Variants in PLCB1 observed in about 807,000 individuals in gnomAD.
PLCB1 encodes 1-phosphatidylinositol 4,5-bisphosphate phosphodiesterase beta-1.
Under a neutral mutation model 161.8 loss-of-function variants are expected in PLCB1, and 46 were observed. That is an observed-to-expected ratio of 0.28 (90% CI 0.22 to 0.36). The LOEUF (loss-of-function observed/expected upper bound fraction) is 0.36. Ranked by LOEUF, PLCB1 falls within the 10% of genes least tolerant of loss-of-function variation. PLCB1 has a pLI of 1.00. For missense variants in PLCB1, 1,016 were observed against 1,472.5 expected (o/e 0.69, Z 5.07); for synonymous variants, 517 against 503.7 (o/e 1.03, Z -0.35).
rs117222939 is a variant in PLCB1, at chr20:8,759,762, C to T, written c.2657-645C>T. Among the ~76,000 whole-genome samples, 76 of 152,050 alleles carry T rather than the reference C, an allele frequency of 5.0e-4. No homozygotes were observed. In the East Asian group the frequency reaches 0.011, roughly 23 times the overall value. ...TGATCCATCTACCTTGGCCTCCCAGCGTTTGACTTTTAAAAGGTCACTTGT... is the reference window on the plus strand; with the variant it reads ...TGATCCATCTACCTTGGCCTCCCAGTGTTTGACTTTTAAAAGGTCACTTGT... On this transcript the variant is annotated intron_variant, in intron 24 of 31. Transcript: ENST00000338037.
At chr20:8,678,089 G>A (rs1200087736) in intron 9 of PLCB1, among the ~76,000 whole-genome samples, 1 of 152,048 alleles carries the variant, frequency 6.6e-6, no homozygotes, top group African/African-American at 2.4e-5. Flanking sequence ...TAGCTAACCG[G>A]GGGATACTTT....
At chr20:8,451,069 A>G (rs970406867) in intron 3 of PLCB1, among the ~76,000 whole-genome samples, 3 of 152,194 alleles carry the variant, frequency 2.0e-5, no homozygotes, top group Admixed American at 6.5e-5. Context: ...TGAATGCTAA[A>G]TCTTTACAAT....
At chr20:8,353,471 G>A (rs1308172731) in intron 2 of PLCB1, among the ~76,000 whole-genome samples, 1 of 151,970 alleles carries the variant, frequency 6.6e-6, no homozygotes, top group Non-Finnish European at 1.5e-5. Flanking sequence ...GGAAAGAGGG[G>A]ATAAAGAGTA....
intron 5 of PLCB1, 42 bp downstream of exon 5, chr20:8,646,223 T>C (rs765402212): frequency 2.3e-6 from 3 of 1,287,636 alleles, no homozygotes; most frequent in South Asian, 2.4e-5. Context: ...TTGCTTCTTC[T>C]GAGTCAGTTT....
At chr20:8,340,868 A>T (rs1389515473) in intron 2 of PLCB1, among the ~76,000 whole-genome samples, 6 of 152,148 alleles carry the variant, frequency 3.9e-5, no homozygotes, top group Admixed American at 3.9e-4. Flanking sequence ...CTCAACAGAG[A>T]GGACTTCATG....
chr20:8,290,586 T>C (rs1983342331), intron 2 of PLCB1, among the ~76,000 whole-genome samples: 1 of 152,128 alleles, frequency 6.6e-6, no homozygotes, highest in Non-Finnish European at 1.5e-5. Flanking sequence ...GAGAAAACTC[T>C]CCATCAAAGA....
At position 8,556,656 on chromosome 20, in the gene PLCB1, G is replaced by GGTGT. The variant is rs58160557; in HGVS notation, c.247-71595_247-71592dup. 7.5e-3 allele frequency among the ~76,000 whole-genome samples: 1,058 copies of GGTGT among 141,842 alleles called. 9 individuals carry two copies. Among genetic ancestry groups the GGTGT allele is most frequent in the African/African-American group, 0.019 (714 of 38,586 alleles). 93.1% of individuals were successfully genotyped at this position (141,842 alleles called of 152,430 possible). A position where few individuals can be genotyped will look rare whatever the true frequency, so the allele number is the denominator to read the frequency against. ...AAACAGCCAGGCTAGGAGAGGGTTG[G>GGTGT]GTGTGTGTGTGTGTGTGTGTGTGTG... is the stretch of plus-strand genomic sequence containing the variant. On this transcript the variant is annotated intron_variant, in intron 3 of 31. Transcript: ENST00000338037.
At chr20:8,243,960 T>C (rs1568603263) in intron 2 of PLCB1, among the ~76,000 whole-genome samples, 2 of 151,960 alleles carry the variant, frequency 1.3e-5, no homozygotes, top group Non-Finnish European at 2.9e-5. Context: ...AATAGGTTTT[T>C]ACTAATTAAG....
chr20:8,851,775 C>T (rs908947715), intron 31 of PLCB1, among the ~76,000 whole-genome samples: 4 of 150,636 alleles, frequency 2.7e-5, no homozygotes, highest in Admixed American at 6.6e-5. Flanking sequence ...AGGAGACTCA[C>T]ACAAAAGTAA....
At chr20:8,250,400 G>T (rs144880816) in intron 2 of PLCB1, among the ~76,000 whole-genome samples, 1 of 151,490 alleles carries the variant, frequency 6.6e-6, no homozygotes, top group Non-Finnish European at 1.5e-5. Context: ...TACAATTTTC[G>T]CATCTATTTT....
intron 3 of PLCB1, among the ~76,000 whole-genome samples, chr20:8,392,107 A>G (rs1250971140): frequency 6.6e-6 from 1 of 151,948 alleles, no homozygotes; most frequent in Admixed American, 6.6e-5. Flanking sequence ...TTCATGTTGA[A>G]ACTTAATCGC....
chr20:8,417,449 GTT>G (rs11323589), intron 3 of PLCB1, among the ~76,000 whole-genome samples: 7,715 of 145,484 alleles, frequency 0.053, 562 homozygotes, highest in African/African-American at 0.18. Context: ...ATAATTCAGG[GTT>G]TTTTTTTTTT....
At chr20:8,351,428 G>A (rs1268254920) in intron 2 of PLCB1, among the ~76,000 whole-genome samples, 11 of 151,984 alleles carry the variant, frequency 7.2e-5, no homozygotes, top group Non-Finnish European at 1.3e-4. Context: ...TCTTGGATTT[G>A]TGGATGAGTT....
intron 2 of PLCB1, among the ~76,000 whole-genome samples, chr20:8,277,472 T>G (rs1404208486): frequency 6.6e-6 from 1 of 152,234 alleles, no homozygotes; most frequent in Non-Finnish European, 1.5e-5. Context: ...TATTTCTATA[T>G]ATATAAATGC....
chr20:8,175,028 C>A (rs970654790), intron 2 of PLCB1, among the ~76,000 whole-genome samples: 1 of 152,050 alleles, frequency 6.6e-6, no homozygotes, highest in African/African-American at 2.4e-5. Flanking sequence ...GTCACTGTAC[C>A]ACTACACTCC....
chr20:8,781,619 G>A (rs570778678), intron 27 of PLCB1, among the ~76,000 whole-genome samples: 5 of 152,040 alleles, frequency 3.3e-5, no homozygotes, highest in South Asian at 2.1e-4. Flanking sequence ...GTATTAGTCC[G>A]TTTTCACATG....
rs182378376 is a variant in PLCB1 at position 8,260,232 on chromosome 20, C to T, written c.177+109861C>T. ...ATCAGCTGGGACTACAGGCACACAC[C>T]GTAGCACCCAGCATTTTTTTTTTTT... On this transcript the variant is annotated intron_variant, in intron 2 of 31. Coordinates refer to ENST00000338037, the MANE Select transcript of PLCB1 (RefSeq NM_015192.4). Among the ~76,000 whole-genome samples the T allele has an allele frequency of 2.2e-3, 331 of 151,432 alleles. 1 individual carries two copies. The highest frequency in any genetic ancestry group is 7.8e-3 in the African/African-American group (321 of 41,256).
intron 9 of PLCB1, among the ~76,000 whole-genome samples, chr20:8,661,858 CA>C (rs1335100182): frequency 7.6e-5 from 11 of 143,976 alleles, no homozygotes; most frequent in Non-Finnish European, 1.5e-4. Context: ...AATAAATCTT[CA>C]GTGAAAGGCA....
intron 31 of PLCB1, among the ~76,000 whole-genome samples, chr20:8,818,155 A>T (rs1395351485): frequency 6.6e-6 from 1 of 152,210 alleles, no homozygotes; most frequent in Non-Finnish European, 1.5e-5. Flanking sequence ...ATTCTGGATT[A>T]ATTCATAGAT....
Sources: gnomAD v4.1 joint callset for allele counts (sites outside exome capture counted in the v4.1 genomes callset) on GRCh38, gnomAD v4.1.1 for gene constraint, MANE v1.5 for transcripts, NCBI Gene and HGNC (gene_info 2026-07-23, HGNC 2026-07-21) for gene names.